RFX7: variants seen among roughly 807,000 people sequenced by gnomAD.
The protein encoded by RFX7 is DNA-binding protein RFX7.
A neutral mutation model predicts 111.8 loss-of-function variants in RFX7; 26 were observed. The ratio of observed to expected loss-of-function variants is 0.23; its 90% CI spans 0.17 to 0.32. RFX7 has a LOEUF of 0.32. RFX7 is among the 10% of genes least tolerant of loss of function. The probability of loss-of-function intolerance (pLI) is 1.00; values close to 1 mark genes in which losing one functional copy is unlikely to be tolerated. For missense variants in RFX7, 1,573 were observed against 1,772.9 expected (o/e 0.89, Z 2.02); for synonymous variants, 624 against 624.4 (o/e 1.00, Z 0.01).
In RFX7 at chr15:56,243,050, C is replaced by G. The variant is rs1245015320; in HGVS notation, c.161+75G>C. 1.6e-4 allele frequency: 101 copies of G among 645,488 alleles called. 1 individual carries two copies. The highest frequency in any genetic ancestry group is 1.5e-3 in the South Asian group (98 of 67,294). The allele number at this position is 645,488 out of a possible 1,614,324, so 40.0% of individuals were successfully genotyped here. A position where few individuals can be genotyped will look rare whatever the true frequency, so the allele number is the denominator to read the frequency against. On this transcript the variant is annotated intron_variant, in intron 2 of 9. Coordinates refer to ENST00000559447, the MANE Select transcript of RFX7 (RefSeq NM_022841.7). ...TCAGCCTCCTCCTCCGCTCCCCCCG[C>G]CCGCCGCCCCCCACCCACTTTGCAG...
chr15:56,196,928 A>G (rs1350178679), intron 2 of RFX7, among the ~76,000 whole-genome samples: 1 of 152,126 alleles, frequency 6.6e-6, no homozygotes, highest in African/African-American at 2.4e-5. Flanking sequence ...AAATATTCGC[A>G]CACACACTAC....
chr15:56,191,303 T>G (rs1454984681), intron 2 of RFX7, among the ~76,000 whole-genome samples: 3 of 152,134 alleles, frequency 2.0e-5, no homozygotes, highest in African/African-American at 4.8e-5. Flanking sequence ...GTAAATAAAA[T>G]TTCAAATAAC....
intron 3 of RFX7, among the ~76,000 whole-genome samples, chr15:56,149,368 C>A (rs1214594833): frequency 1.3e-5 from 2 of 152,178 alleles, no homozygotes; most frequent in African/African-American, 4.8e-5. Flanking sequence ...CCTCTAGCAC[C>A]TTTGAGGAAA....
intron 5 of RFX7, among the ~76,000 whole-genome samples, chr15:56,111,357 G>T (rs1454244511): frequency 2.6e-5 from 4 of 151,986 alleles, no homozygotes; most frequent in South Asian, 4.1e-4. Flanking sequence ...CCCCCAACCC[G>T]GTGCTCTCTG....
chr15:56,094,024 G>A lies in RFX7; in HGVS notation c.3704C>T (p.Ala1235Val), dbSNP rs115423820. The A allele has an allele frequency of 6.2e-7, 1 of 1,613,966 alleles. No homozygotes were observed. Among genetic ancestry groups the A allele is most frequent in the African/African-American group, 1.3e-5 (1 of 75,052 alleles). Residue 1235 changes from alanine to valine, a missense_variant, in exon 10 of 10, where the codon GCC (alanine) becomes GTC (valine). By Grantham distance (64) the Ala-to-Val change is moderately conservative (BLOSUM62 0). Coordinates refer to ENST00000559447, the MANE Select transcript of RFX7 (RefSeq NM_022841.7). ...SVPLTVMMQT[A>V]FPNALQKQAN... ...TTGCTTCTGAAGAGCGTTTGGGAAG[G>A]CTGTCTGCATCATGACTGTCAATGG...
intron 2 of RFX7, among the ~76,000 whole-genome samples, chr15:56,183,777 T>G (rs894015814): frequency 6.6e-6 from 1 of 152,184 alleles, no homozygotes; most frequent in African/African-American, 2.4e-5. Context: ...ACTTTATTTT[T>G]GGACTGTATT....
intron 5 of RFX7, among the ~76,000 whole-genome samples, chr15:56,139,753 A>G (rs1209194048): frequency 6.6e-6 from 1 of 151,660 alleles, no homozygotes; most frequent in East Asian, 1.9e-4. Flanking sequence ...GGTTTTATCT[A>G]CTTTTGGTCT....
intron 3 of RFX7, among the ~76,000 whole-genome samples, chr15:56,173,316 A>G (rs942832437): frequency 2.6e-5 from 4 of 152,240 alleles, no homozygotes; most frequent in Non-Finnish European, 2.9e-5. Flanking sequence ...ACAAACTTCA[A>G]TACACTTTAA....
chr15:56,132,447 G>A (rs1269197457), intron 5 of RFX7, among the ~76,000 whole-genome samples: 1 of 151,832 alleles, frequency 6.6e-6, no homozygotes, highest in East Asian at 1.9e-4. Context: ...TTAGTGTTAA[G>A]ACAGAAAAAT....
At chr15:56,162,417 TTG>T (rs1490845826) in intron 3 of RFX7, among the ~76,000 whole-genome samples, 32 of 152,114 alleles carry the variant, frequency 2.1e-4, no homozygotes. Flanking sequence ...GAGCACACTT[TTG>T]TGTATTATGT....
In RFX7 at chr15:56,109,814, C is replaced by T. The variant is rs547923638; in HGVS notation, c.402-6144G>A. ...GTGAGGAGCCCCTCCGCCCAGCAGC[C>T]GCCCTGTCTGAGAAGTGAGGAGCCC... is the stretch of plus-strand genomic sequence containing the variant. On this transcript the variant is annotated intron_variant, in intron 5 of 9. Coordinates refer to ENST00000559447, the MANE Select transcript of RFX7 (RefSeq NM_022841.7). Among the ~76,000 whole-genome samples the T allele has an allele frequency of 2.4e-3, 363 of 151,844 alleles. 3 individuals carry two copies. Among genetic ancestry groups the T allele is most frequent in the African/African-American group, 8.5e-3 (353 of 41,430 alleles).
chr15:56,233,370 G>GC (rs1424341892), intron 2 of RFX7, among the ~76,000 whole-genome samples: 2 of 152,158 alleles, frequency 1.3e-5, no homozygotes, highest in Non-Finnish European at 2.9e-5. Flanking sequence ...GGGGAAAACT[G>GC]CCCCCATGAT....
intron 2 of RFX7, among the ~76,000 whole-genome samples, chr15:56,230,252 T>C (rs2043535672): frequency 6.6e-6 from 1 of 152,230 alleles, no homozygotes; most frequent in Non-Finnish European, 1.5e-5. Flanking sequence ...GAAAGGTTGC[T>C]GAACCATGTG....
At chr15:56,145,909 A>G (rs1314755230) in intron 3 of RFX7, among the ~76,000 whole-genome samples, 1 of 152,238 alleles carries the variant, frequency 6.6e-6, no homozygotes, top group Non-Finnish European at 1.5e-5. Flanking sequence ...CTATGAACCT[A>G]TACTATGTAT....
At chr15:56,124,623 T>G (rs984522327) in intron 5 of RFX7, among the ~76,000 whole-genome samples, 14 of 152,182 alleles carry the variant, frequency 9.2e-5, no homozygotes, top group Admixed American at 2.6e-4. Context: ...TGTTGAGCAT[T>G]TTTCCACGTA....
chr15:56,190,895 AG>A (rs1191338817), intron 2 of RFX7, among the ~76,000 whole-genome samples: 2 of 152,282 alleles, frequency 1.3e-5, no homozygotes, highest in Non-Finnish European at 2.9e-5. Flanking sequence ...ACAAAGGTTA[AG>A]GGAAGACACG....
chr15:56,087,341 T>A lies in RFX7; in HGVS notation c.*6004A>T. Reference sequence around the variant, plus strand: ...GTAAAACACATCCAGAGGTAAGCAGTCAGGACTAGTTGGGCATCTTCCCTT... The same window carrying A: ...GTAAAACACATCCAGAGGTAAGCAGACAGGACTAGTTGGGCATCTTCCCTT... On this transcript the variant is annotated 3_prime_UTR_variant, in exon 10 of 10. Transcript: ENST00000559447. 2.2e-6 allele frequency: 1 copy of A among 445,088 alleles called. No homozygotes were observed. The highest frequency in any genetic ancestry group is 1.6e-5 in the South Asian group (1 of 62,988). 27.6% of individuals were successfully genotyped at this position (445,088 alleles called of 1,614,324 possible).
intron 2 of RFX7, among the ~76,000 whole-genome samples, chr15:56,239,931 A>G (rs1481603258): frequency 6.6e-6 from 1 of 151,868 alleles, no homozygotes; most frequent in African/African-American, 2.4e-5. Context: ...AATTTTCACT[A>G]AACTACGAAG....
chr15:56,212,365 T>C (rs2141198893), intron 2 of RFX7, among the ~76,000 whole-genome samples: 1 of 152,254 alleles, frequency 6.6e-6, no homozygotes, highest in South Asian at 2.1e-4. Context: ...GGGAAGAATG[T>C]ATAGTCAGAG....
Sources: gnomAD v4.1 joint callset for allele counts (sites outside exome capture counted in the v4.1 genomes callset) on GRCh38, gnomAD v4.1.1 for gene constraint, MANE v1.5 for transcripts, NCBI Gene and HGNC (gene_info 2026-07-23, HGNC 2026-07-21) for gene names.